Variants in ATXN3 observed in about 807,000 individuals in gnomAD.
The protein encoded by ATXN3 is ataxin 3.
ATXN3 carries 28 observed loss-of-function variants against 58.2 expected under a neutral mutation model. That is an observed-to-expected ratio of 0.48 (90% CI 0.36 to 0.66). ATXN3 has a LOEUF of 0.66. ATXN3 is among the 30% of genes least tolerant of loss of function. ATXN3 has a pLI of 0.00. For synonymous variants in ATXN3, 113 were observed against 138.5 expected (o/e 0.82, Z 1.29); for missense variants, 321 against 422.1 (o/e 0.76, Z 2.10).
At position 92,082,351 on chromosome 14, in the gene ATXN3, T is replaced by C. The variant is rs767543973; in HGVS notation, c.724A>G (p.Met242Val). ...ALALSRQEID[M>V]EDEEADLRRA... Reference sequence around the variant, plus strand: ...CGGAGATCTGCTTCCTCATCTTCCATGTCAATTTCTTGGCGACTTAGTGCC... The same window carrying C: ...CGGAGATCTGCTTCCTCATCTTCCACGTCAATTTCTTGGCGACTTAGTGCC... The change falls in exon 8 of 11, where the codon ATG (methionine) becomes GTG (valine). Residue 242 changes from methionine to valine, a missense_variant. This residue lies in a region of ATXN3 where 200 missense variants were observed against 223.2 expected (regional missense o/e 0.90). Coordinates refer to ENST00000644486, the MANE Select transcript of ATXN3 (RefSeq NM_004993.6). 2.7e-5 allele frequency: 44 copies of C among 1,614,054 alleles called. 1 individual carries two copies. The Admixed American group carries it at 4.7e-4, about 17-fold the overall frequency.
chr14:92,076,939 C>CAAAAAAAAA lies in ATXN3; in HGVS notation c.872+4017_872+4025dup, dbSNP rs1157708694. ...TGGGTGACAGAGTGAGATTTCGTCT[C>CAAAAAAAAA]AAAAAAAAAAAAAAAAAAAAGTCTG... On this transcript the variant is annotated intron_variant, in intron 9 of 10. Transcript: ENST00000644486. Among the ~76,000 whole-genome samples, 410 of 59,390 alleles carry CAAAAAAAAA rather than the reference C, an allele frequency of 6.9e-3. 9 individuals carry two copies. Among genetic ancestry groups the CAAAAAAAAA allele is most frequent in the East Asian group, 0.011 (20 of 1,844 alleles). 39.0% of individuals were successfully genotyped at this position (59,390 alleles called of 152,430 possible).
intron 9 of ATXN3, among the ~76,000 whole-genome samples, chr14:92,074,195 C>T (rs1048096171): frequency 2.7e-5 from 4 of 149,744 alleles, no homozygotes; most frequent in Admixed American, 2.0e-4. Flanking sequence ...GGCACAGTGG[C>T]GGGTGCCTGT....
chr14:92,079,799 G>A (rs201361883), intron 9 of ATXN3, among the ~76,000 whole-genome samples: 3 of 152,218 alleles, frequency 2.0e-5, no homozygotes, highest in Admixed American at 6.5e-5. Flanking sequence ...GTGCAATGGC[G>A]TTATCTCAGC....
Position 92,091,545 on chromosome 14 carries a change from A to G in ATXN3, c.387+1707T>C, listed in dbSNP as rs529818301. Among the ~76,000 whole-genome samples the G allele has an allele frequency of 2.6e-5, 4 of 152,158 alleles. No homozygotes were observed. The East Asian group carries it at 7.7e-4, about 29-fold the overall frequency. ...GATTTGGGTGACTTAAAAGATAACA[A>G]TAGGGTTTTTGTTTTTGAATTATCT... On this transcript the variant is annotated intron_variant, in intron 5 of 10. Coordinates refer to ENST00000644486, the MANE Select transcript of ATXN3 (RefSeq NM_004993.6).
chr14:92,047,585 C>T (rs956472805), intron 2 of ATXN3, among the ~76,000 whole-genome samples: 1 of 151,844 alleles, frequency 6.6e-6, no homozygotes, highest in Non-Finnish European at 1.5e-5. Flanking sequence ...GAGGAAGAGG[C>T]GAAGGAGGCT....
chr14:92,062,909 G>A lies in ATXN3; in HGVS notation c.*1411C>T, dbSNP rs2057875574. 1 of 152,532 alleles carries A rather than the reference G, an allele frequency of 6.6e-6. No individual in the cohort carries two copies. Among genetic ancestry groups the A allele is most frequent in the Non-Finnish European group, 1.5e-5 (1 of 68,020 alleles). 9.4% of individuals were successfully genotyped at this position (152,532 alleles called of 1,614,324 possible). A position where few individuals can be genotyped will look rare whatever the true frequency, so the allele number is the denominator to read the frequency against. On this transcript the variant is annotated 3_prime_UTR_variant, in exon 11 of 11. Transcript: ENST00000644486. The stretch of plus-strand genomic sequence containing the variant: ...TCGAAGTTGTCAGCTGAAATTTCTT[G>A]GATTTTAGCTTATGAACAATTCAAC...
chr14:92,097,079 T>C, intron 1 of ATXN3: 1 of 406,122 alleles, frequency 2.5e-6, no homozygotes, highest in East Asian at 5.9e-5. Flanking sequence ...GGCTAAATTT[T>C]TGTATTTTTA....
At position 92,064,317 on chromosome 14, in the gene ATXN3, GTAT is replaced by G; in HGVS notation, c.1086_*2del. On this transcript the variant is annotated stop_lost and 3_prime_UTR_variant, in exon 11 of 11. Coordinates refer to ENST00000644486, the MANE Select transcript of ATXN3 (RefSeq NM_004993.6). Reference sequence around the variant, plus strand: ...TGAATATCTAAATTATTTTTTAAAGGTATTATTTTTTTCCTTCTGTTTTCAAAT... The same window carrying G: ...TGAATATCTAAATTATTTTTTAAAGGTATTTTTTTCCTTCTGTTTTCAAAT... 1 of 1,579,826 alleles carries G rather than the reference GTAT, an allele frequency of 6.3e-7. No individual in the cohort carries two copies. The highest frequency in any genetic ancestry group is 8.7e-7 in the Non-Finnish European group (1 of 1,149,848).
At chr14:92,066,068 C>T (rs1473169703) in intron 10 of ATXN3, among the ~76,000 whole-genome samples, 2 of 150,884 alleles carry the variant, frequency 1.3e-5, no homozygotes, top group African/African-American at 2.5e-5. Context: ...GCTAGTATTA[C>T]AGCACTTACG....
chr14:92,087,295 TA>T (rs1342391831), intron 6 of ATXN3, among the ~76,000 whole-genome samples: 1 of 152,102 alleles, frequency 6.6e-6, no homozygotes, highest in Non-Finnish European at 1.5e-5. Context: ...AAATTTAAAG[TA>T]AAACCTTAGC....
intron 6 of ATXN3, among the ~76,000 whole-genome samples, chr14:92,086,450 A>G (rs1189138419): frequency 6.6e-6 from 1 of 151,700 alleles, no homozygotes; most frequent in African/African-American, 2.4e-5. Context: ...CTGTAAATCC[A>G]GCTACTCGGG....
intron 8 of ATXN3, among the ~76,000 whole-genome samples, chr14:92,081,483 A>G (rs867022587): frequency 1.4e-4 from 21 of 149,230 alleles, no homozygotes; most frequent in East Asian, 3.9e-4. Context: ...AAAAAAAAAA[A>G]AAAGAAAGAA....
At chr14:92,096,877 T>TA (rs2065392546) in intron 1 of ATXN3, 39 bp from the exon 2 acceptor site, 11 of 1,561,836 alleles carry the variant, frequency 7.0e-6, no homozygotes, top group Non-Finnish European at 8.8e-6. Flanking sequence ...TGTGACTTGT[T>TA]AAACAGAATT....
intron 9 of ATXN3, among the ~76,000 whole-genome samples, chr14:92,074,691 T>C (rs10135150): frequency 0.45 from 68,564 of 152,072 alleles, 16,691 homozygotes; most frequent in African/African-American, 0.64. Context: ...ATATTAAGTA[T>C]TTTCCTCTTT....
rs994090190 is a variant in ATXN3, at chr14:92,063,252, T to C, written c.*1068A>G. On this transcript the variant is annotated 3_prime_UTR_variant, in exon 11 of 11. Coordinates refer to ENST00000644486, the MANE Select transcript of ATXN3 (RefSeq NM_004993.6). ...CCAGATCACCATCTTTGACAAGCTA[T>C]ACCTACTAAAAGATGTGAAGCAGAC... 2.0e-5 allele frequency: 3 copies of C among 152,520 alleles called. No homozygotes were observed. Among genetic ancestry groups the C allele is most frequent in the African/African-American group, 4.8e-5 (2 of 41,460 alleles). The allele number at this position is 152,520 out of a possible 1,614,324, so 9.4% of individuals were successfully genotyped here.
At chr14:92,052,573 T>G (rs910228219), upstream of ATXN3, among the ~76,000 whole-genome samples, 8 of 152,104 alleles carry the variant, frequency 5.3e-5, no homozygotes, top group South Asian at 2.1e-4. Flanking sequence ...AAGTCTGTTC[T>G]CCCCTTCATA....
chr14:92,084,574 A>ATC (rs1555402508), intron 6 of ATXN3, among the ~76,000 whole-genome samples: 2 of 147,288 alleles, frequency 1.4e-5, no homozygotes, highest in African/African-American at 5.0e-5. Flanking sequence ...TCTATCATTA[A>ATC]TTTTTTTTTT....
intron 9 of ATXN3, chr14:92,071,255 A>T (rs936579504): frequency 4.7e-5 from 42 of 891,630 alleles, no homozygotes; most frequent in Middle Eastern, 4.7e-4. Context: ...TAGACATAAA[A>T]TTTAAATTTA....
rs947266231 is a variant in ATXN3, at chr14:92,060,087, G to A, written c.*4233C>T. 4.0e-5 allele frequency: 6 copies of A among 150,906 alleles called. No individual in the cohort carries two copies. The highest frequency in any genetic ancestry group is 8.9e-5 in the Non-Finnish European group (6 of 67,750). The allele number at this position is 150,906 out of a possible 1,614,324, so 9.3% of individuals were successfully genotyped here. ...AAGTTTTGTATTTTTAGTAGAGATG[G>A]GGTTTCACCATGTTGGCCAGGCTGG... is the stretch of plus-strand genomic sequence containing the variant. On this transcript the variant is annotated 3_prime_UTR_variant, in exon 11 of 11. Transcript: ENST00000644486.
Sources: allele counts gnomAD v4.1 joint callset (sites outside exome capture counted in the v4.1 genomes callset), GRCh38; gene constraint gnomAD v4.1.1; regional missense constraint gnomAD v4.1.1; transcripts MANE v1.5; gene names NCBI Gene and HGNC (gene_info 2026-07-23, HGNC 2026-07-21).